LILRB5: variants seen among roughly 807,000 people sequenced by gnomAD.
The protein encoded by LILRB5 is leukocyte immunoglobulin-like receptor subfamily B member 5.
A neutral mutation model predicts 68.4 loss-of-function variants in LILRB5; 61 were observed. The ratio of observed to expected loss-of-function variants is 0.89; its 90% CI spans 0.73 to 1.10. The LOEUF (loss-of-function observed/expected upper bound fraction) is 1.10. Among genes scored for constraint, LILRB5 ranks in the 50% least tolerant of loss-of-function variants. The pLI is 0.00. For missense variants in LILRB5, 771 were observed against 751.6 expected (o/e 1.03, Z -0.30); for synonymous variants, 356 against 315.8 (o/e 1.13, Z -1.35).
At chr19:54,253,945 C>A (rs980085941) in intron 8 of LILRB5, 73 bp downstream of exon 8, 5 of 1,552,934 alleles carry the variant, frequency 3.2e-6, no homozygotes, top group Non-Finnish European at 3.5e-6. Context: ...CCAGAGGAGC[C>A]TGAACCTACG....
Position 54,256,171 on chromosome 19 carries a change from G to A in LILRB5, c.527C>T (p.Ser176Phe), listed in dbSNP as rs759536980. The A allele has an allele frequency of 6.2e-7, 1 of 1,613,978 alleles. No homozygotes were observed. The highest frequency in any genetic ancestry group is 1.1e-5 in the South Asian group (1 of 91,068). ...GGGACCCACAGGGAACAGGGCCTGG[G>A]ATGGCCCTTTGGGGAGCTTCTGTGA... is the stretch of plus-strand genomic sequence containing the variant. Reference protein sequence around the residue: ...LYSQKLPKGPSQALFPVGPVT... With the variant: ...LYSQKLPKGPFQALFPVGPVT... The change falls in exon 4 of 13, where the codon TCC (serine) becomes TTC (phenylalanine). Residue 176 changes from serine to phenylalanine, a missense_variant. Ser to Phe is a radical substitution (Grantham distance 155, BLOSUM62 -2). Transcript: ENST00000449561.
rs2078962119 is a variant in LILRB5, at chr19:54,251,806, G to A, written c.1629+248C>T. ...TTATTCCTCATCCTCCTGAGGCCTGGGGAGAGCTCTAACAACCAGACGGCC... is the reference window on the plus strand; with the variant it reads ...TTATTCCTCATCCTCCTGAGGCCTGAGGAGAGCTCTAACAACCAGACGGCC... On this transcript the variant is annotated intron_variant, in intron 12 of 12. Transcript: ENST00000449561. 8.5e-6 allele frequency: 6 copies of A among 705,516 alleles called. No homozygotes were observed. In the Admixed American group the frequency reaches 1.2e-4, roughly 14 times the overall value. 43.7% of individuals were successfully genotyped at this position (705,516 alleles called of 1,614,324 possible). A position where few individuals can be genotyped will look rare whatever the true frequency, so the allele number is the denominator to read the frequency against.
rs2078884937 is a variant in LILRB5 at position 54,249,484 on chromosome 19, A to T, written c.*1302T>A. The T allele has an allele frequency of 6.6e-6, 1 of 152,252 alleles. No individual in the cohort carries two copies. Among genetic ancestry groups the T allele is most frequent in the Non-Finnish European group, 1.5e-5 (1 of 68,048 alleles). The allele number at this position is 152,252 out of a possible 1,614,324, so 9.4% of individuals were successfully genotyped here. On this transcript the variant is annotated 3_prime_UTR_variant, in exon 13 of 13. Coordinates refer to ENST00000449561, the MANE Select transcript of LILRB5 (RefSeq NM_001081442.3). Reference sequence around the variant, plus strand: ...CAAAATACTCATTCCTTCGAGGACAAGACACAGTGAAGCACCAATTATGAA... The same window carrying T: ...CAAAATACTCATTCCTTCGAGGACATGACACAGTGAAGCACCAATTATGAA...
chr19:54,253,977 C>T lies in LILRB5; in HGVS notation c.1357+41G>A, dbSNP rs779392850. 78 of 1,565,564 alleles carry T rather than the reference C, an allele frequency of 5.0e-5. No homozygotes were observed. In the Admixed American group the frequency reaches 1.4e-3, roughly 29 times the overall value. Reference sequence around the variant, plus strand: ...TACGACAGAACCCACCCCTGCCTCCCCTGGTCTCCGCCCACCTCCCACTCA... The same window carrying T: ...TACGACAGAACCCACCCCTGCCTCCTCTGGTCTCCGCCCACCTCCCACTCA... On this transcript the variant is annotated intron_variant, in intron 8 of 12. Transcript: ENST00000449561.
Position 54,254,404 on chromosome 19 carries a change from C to T in LILRB5, c.1267G>A (p.Asp423Asn). The stretch of plus-strand genomic sequence containing the variant: ...GAGCCTGTAGGTGAGAGGCTGGGAT[C>T]CCCAGAGGGTCCTGGGAATAAGCAC... ...QELVVSGPSGDPSLSPTGSTP... is the reference protein window; with the variant it reads ...QELVVSGPSGNPSLSPTGSTP... The change falls in exon 7 of 13, where the codon GAT becomes AAT. Residue 423 changes from aspartate to asparagine, a missense_variant. Asp to Asn is a conservative substitution (Grantham distance 23). Coordinates refer to ENST00000449561, the MANE Select transcript of LILRB5 (RefSeq NM_001081442.3). 1 of 1,585,152 alleles carries T rather than the reference C, an allele frequency of 6.3e-7. No homozygotes were observed.
chr19:54,255,470 G>A lies in LILRB5; in HGVS notation c.768C>T (p.Tyr256=). 1 of 1,614,108 alleles carries A rather than the reference G, an allele frequency of 6.2e-7. No individual in the cohort carries two copies. The highest frequency in any genetic ancestry group is 8.5e-7 in the Non-Finnish European group (1 of 1,179,998). Residue 256 remains tyrosine, a synonymous_variant, in exon 5 of 13, where the codon TAC becomes TAT. Transcript: ENST00000449561. ...SDVGYDIFVL[Y]KEGEHDLVQG... ...GGACGAGGTCATGTTCCCCCTCCTT[G>A]TACAGAACGAATATGTCATAGCCGA...
At chr19:54,251,565 C>G in intron 12 of LILRB5, 1 of 556,546 alleles carries the variant, frequency 1.8e-6, no homozygotes, top group East Asian at 3.9e-5. Flanking sequence ...TCTGCCCTTT[C>G]CCTGGTTTAT....
At chr19:54,251,772 T>G (rs624317) in intron 12 of LILRB5, 172,627 of 659,834 alleles carry the variant, frequency 0.26, 24,296 homozygotes, top group Admixed American at 0.35. Context: ...GGGGACCGGG[T>G]CGGTTCATTT....
At chr19:54,255,089 G>A in intron 5 of LILRB5, 52 bp from the exon 6 acceptor site, 1 of 1,545,370 alleles carries the variant, frequency 6.5e-7, no homozygotes, top group Non-Finnish European at 8.7e-7. Flanking sequence ...TCTGAGCTGA[G>A]ACCTCCCCAG....
chr19:54,252,950 T>A lies in LILRB5; in HGVS notation c.1395A>T (p.Ser465=). Residue 465 remains serine (S), a synonymous_variant, in exon 9 of 13, where the codon TCA becomes TCT. Coordinates refer to ENST00000449561, the MANE Select transcript of LILRB5 (RefSeq NM_001081442.3). ...GRHLGVVTGV[S]VAFVLLLFLL... The stretch of plus-strand genomic sequence containing the variant: ...GGAACAGCAGCAGGACGAAGGCCAC[T>A]GAGACCCCAGTCACAACCCCCAGGT... 2.5e-6 allele frequency: 4 copies of A among 1,580,640 alleles called. No individual in the cohort carries two copies. The highest frequency in any genetic ancestry group is 3.5e-6 in the Non-Finnish European group (4 of 1,159,102).
chr19:54,254,460 T>C (rs371501183), intron 6 of LILRB5, 45 bp from the exon 7 acceptor site: 18 of 1,539,350 alleles, frequency 1.2e-5, no homozygotes, highest in Non-Finnish European at 1.5e-5. Context: ...TGGTGCTGAG[T>C]GAGGAAACCC....
In LILRB5 at chr19:54,255,299, G is replaced by A. The variant is rs1362554378; in HGVS notation, c.939C>T (p.Asp313=). ...PRWSAPSDPL[D]ILIAGLIPDI... ...TGGGCTCCTCACCTGCGATCAGGAT[G>A]TCCAGGGGGTCGCTGGGGGCCGACC... The change falls in exon 5 of 13, where the codon GAC becomes GAT. Residue 313 remains aspartate (D), a synonymous_variant. Coordinates refer to ENST00000449561, the MANE Select transcript of LILRB5 (RefSeq NM_001081442.3). The A allele has an allele frequency of 3.7e-6, 6 of 1,613,224 alleles. No homozygotes were observed. The highest frequency in any genetic ancestry group is 2.2e-5 in the South Asian group (2 of 91,076).
Position 54,250,759 on chromosome 19 carries a change from G to A in LILRB5, c.*27C>T. ...TGGAGTCTCTGAGTCTCCTTCTGTT[G>A]AGTATGAGATCTGGGTCCCCCGTGG... On this transcript the variant is annotated 3_prime_UTR_variant, in exon 13 of 13. Coordinates refer to ENST00000449561, the MANE Select transcript of LILRB5 (RefSeq NM_001081442.3). The A allele has an allele frequency of 1.2e-6, 2 of 1,613,894 alleles. No homozygotes were observed. Among genetic ancestry groups the A allele is most frequent in the Non-Finnish European group, 1.7e-6 (2 of 1,179,864 alleles).
Position 54,254,001 on chromosome 19 carries a change from C to G in LILRB5, c.1357+17G>C. ...CCCTGGTCTCCGCCCACCTCCCACT[C>G]AGAGCCCCTCACTCACCACTCTGGG... On this transcript the variant is annotated intron_variant, in intron 8 of 12. Transcript: ENST00000449561. 2.5e-6 allele frequency: 4 copies of G among 1,579,936 alleles called. No homozygotes were observed. The highest frequency in any genetic ancestry group is 4.6e-5 in the East Asian group (2 of 43,414).
intron 6 of LILRB5, 159 bp downstream of exon 6, chr19:54,254,576 C>T (rs1375584858): frequency 9.0e-6 from 11 of 1,224,574 alleles, no homozygotes; most frequent in African/African-American, 3.0e-5. Context: ...GGGGAGCCCC[C>T]GTTGTCCTCC....
intron 8 of LILRB5, 50 bp from the exon 9 acceptor site, chr19:54,253,037 CCTT>C (rs759787526): frequency 7.6e-7 from 1 of 1,320,302 alleles, no homozygotes; most frequent in Non-Finnish European, 1.0e-6. Flanking sequence ...GATGTGAGCA[CCTT>C]CTGTGTGCAG....
At chr19:54,251,416 C>T in intron 12 of LILRB5, 1 of 583,196 alleles carries the variant, frequency 1.7e-6, no homozygotes, top group Middle Eastern at 4.5e-4. Flanking sequence ...GCCTCGGGGC[C>T]TTTGCACGGC....
At chr19:54,252,658 C>T in intron 9 of LILRB5, 109 bp from the exon 10 acceptor site, 1 of 1,261,798 alleles carries the variant, frequency 7.9e-7, no homozygotes, top group Middle Eastern at 2.1e-4. Context: ...GGCACTGAGG[C>T]TTTAAATACG....
chr19:54,253,092 G>A, intron 8 of LILRB5, 105 bp from the exon 9 acceptor site: 1 of 549,382 alleles, frequency 1.8e-6, no homozygotes, highest in South Asian at 2.1e-5. Flanking sequence ...AACCCTCACA[G>A]CAGTTGTGCA....
Sources: allele counts gnomAD v4.1 joint callset, GRCh38; gene constraint gnomAD v4.1.1; transcripts MANE v1.5; gene names NCBI Gene and HGNC (gene_info 2026-07-23, HGNC 2026-07-21).